The following ADGRD1 variants were observed in gnomAD, a reference collection of about 807,000 sequenced individuals.
ADGRD1 encodes the protein adhesion G protein-coupled receptor D1.
ADGRD1 carries 77 observed loss-of-function variants against 113.4 expected under a neutral mutation model. That is an observed-to-expected ratio of 0.68 (90% CI 0.57 to 0.82). The LOEUF (loss-of-function observed/expected upper bound fraction) is 0.82, where lower values mean the gene tolerates loss of function less well. Among genes scored for constraint, ADGRD1 ranks in the 40% least tolerant of loss-of-function variants. The probability of loss-of-function intolerance (pLI) is 0.00; values close to 1 mark genes in which losing one functional copy is unlikely to be tolerated. For synonymous variants in ADGRD1, 474 were observed against 475.0 expected, an observed-to-expected ratio of 1.00 and a Z score of 0.03; for missense variants, 1,036 against 1,139.1, an observed-to-expected ratio of 0.91 and a Z score of 1.30.
chr12:130,966,095 T>C lies in ADGRD1; in HGVS notation c.104-368T>C, dbSNP rs972060398. ...TGTTTCTATAGTGTGATTGCATTGA[T>C]ATTAACTCTAAAATAATGGTAAATA... On this transcript the variant is annotated intron_variant, in intron 2 of 24. Coordinates refer to ENST00000261654, the MANE Select transcript of ADGRD1 (RefSeq NM_198827.5). This position sits in a 1 kb window ranked among gnomAD's most constrained non-coding sequence, Gnocchi z 4.6. Among the ~76,000 whole-genome samples, 11 of 152,246 alleles carry C rather than the reference T, an allele frequency of 7.2e-5. No individual in the cohort carries two copies. Among genetic ancestry groups the C allele is most frequent in the Admixed American group, 7.2e-4 (11 of 15,286 alleles).
At chr12:131,023,136 G>A (rs1378690778) in intron 13 of ADGRD1, 1 of 152,120 alleles carries the variant, frequency 6.6e-6, no homozygotes, top group Non-Finnish European at 1.5e-5. Context: ...TCCTGATGAG[G>A]GGACAGTGTT....
intron 5 of ADGRD1, among the ~76,000 whole-genome samples, chr12:130,986,278 T>G (rs138915610): frequency 6.6e-6 from 1 of 152,258 alleles, no homozygotes; most frequent in African/African-American, 2.4e-5. Context: ...TTTCTGTCCA[T>G]GAATATGGAA....
intron 13 of ADGRD1, among the ~76,000 whole-genome samples, chr12:131,065,595 C>T (rs1332984299): frequency 2.6e-5 from 4 of 152,068 alleles, no homozygotes; most frequent in African/African-American, 9.7e-5. Context: ...GGATCTCAGG[C>T]GAGAGGCACC....
In ADGRD1 at chr12:131,108,807, C is replaced by G; in HGVS notation, c.1971C>G (p.Leu657=). Residue 657 remains leucine, a synonymous_variant, in exon 18 of 25, where the codon CTC becomes CTG. Coordinates refer to ENST00000261654, the MANE Select transcript of ADGRD1 (RefSeq NM_198827.5). Reference sequence around the variant, plus strand: ...GGATGCTGGTGGAGGGGCTGCACCTCTACAGCATGGTGATCAAGGTCTTTG... The same window carrying G: ...GGATGCTGGTGGAGGGGCTGCACCTGTACAGCATGGTGATCAAGGTCTTTG... The part of the protein sequence containing the change: ...FAWMLVEGLH[L]YSMVIKVFGS... 6.2e-7 allele frequency: 1 copy of G among 1,613,858 alleles called. No individual in the cohort carries two copies. Among genetic ancestry groups the G allele is most frequent in the Non-Finnish European group, 8.5e-7 (1 of 1,179,970 alleles).
chr12:131,106,955 A>G (rs1950245600), intron 17 of ADGRD1, among the ~76,000 whole-genome samples: 2 of 152,126 alleles, frequency 1.3e-5, no homozygotes, highest in African/African-American at 2.4e-5. Flanking sequence ...AGAATGCTGT[A>G]TTTCTATCAA....
intron 15 of ADGRD1, among the ~76,000 whole-genome samples, chr12:131,095,291 T>C (rs1300572039): frequency 6.6e-6 from 1 of 152,238 alleles, no homozygotes; most frequent in African/African-American, 2.4e-5. Context: ...CAGGGAGACG[T>C]AGCTTCAAGG....
In ADGRD1 at chr12:131,027,168, C is replaced by G. The variant is rs1358429542; in HGVS notation, c.1473+12828C>G. ...GCACTGTAGATCCAGGATATTCCTA[C>G]TCTGCAGGCTGTTTAAATAACACAC... On this transcript the variant is annotated intron_variant, in intron 13 of 24. Coordinates refer to ENST00000261654, the MANE Select transcript of ADGRD1 (RefSeq NM_198827.5). The surrounding 1 kb of genome is among the most constrained non-coding windows in gnomAD (Gnocchi z 5.1). 1 of 152,186 alleles carries G rather than the reference C, an allele frequency of 6.6e-6. No homozygotes were observed. Among genetic ancestry groups the G allele is most frequent in the Non-Finnish European group, 1.5e-5 (1 of 68,038 alleles). 9.4% of individuals were successfully genotyped at this position (152,186 alleles called of 1,614,324 possible).
chr12:130,970,816 C>G (rs1871531145), intron 3 of ADGRD1: 1 of 152,298 alleles, frequency 6.6e-6, no homozygotes. Flanking sequence ...GGCTTGTCAC[C>G]CACAGGCTCT....
intron 13 of ADGRD1, among the ~76,000 whole-genome samples, chr12:131,037,060 G>C (rs1023493266): frequency 7.2e-6 from 1 of 139,696 alleles, no homozygotes; most frequent in African/African-American, 2.7e-5. Flanking sequence ...TCACTGCACC[G>C]GGTCTCACTC....
At position 131,096,839 on chromosome 12, in the gene ADGRD1, C is replaced by A. The variant is rs900488534; in HGVS notation, c.1672-7992C>A. Among the ~76,000 whole-genome samples the A allele has an allele frequency of 6.6e-6, 1 of 152,340 alleles. No homozygotes were observed. The highest frequency in any genetic ancestry group is 2.4e-5 in the African/African-American group (1 of 41,584). On this transcript the variant is annotated intron_variant, in intron 15 of 24. Transcript: ENST00000261654. The surrounding 1 kb of genome is among the most constrained non-coding windows in gnomAD (Gnocchi z 5.2). ...GTCATGTTGAGTCCTGGGTTCTGCT[C>A]TGAGATCCACCTGCCTCCTGCTGCC...
intron 13 of ADGRD1, among the ~76,000 whole-genome samples, chr12:131,040,664 AC>A (rs2136981861): frequency 6.6e-6 from 1 of 152,310 alleles, no homozygotes; most frequent in East Asian, 1.9e-4. Flanking sequence ...TTTGGGGTAA[AC>A]CACCCGCCCT....
intron 13 of ADGRD1, among the ~76,000 whole-genome samples, chr12:131,071,669 C>T (rs998478859): frequency 3.9e-4 from 59 of 152,312 alleles, no homozygotes; most frequent in East Asian, 1.5e-3. Context: ...CACGCACTGG[C>T]GGGTCCTATG....
chr12:131,069,428 T>C (rs1234797358), intron 13 of ADGRD1: 1 of 152,174 alleles, frequency 6.6e-6, no homozygotes, highest in Non-Finnish European at 1.5e-5. Flanking sequence ...GTGGCTTCAT[T>C]TGTAAAGTGG....
chr12:131,122,374 C>T (rs1448068020), intron 20 of ADGRD1, among the ~76,000 whole-genome samples: 3 of 152,046 alleles, frequency 2.0e-5, no homozygotes, highest in African/African-American at 7.3e-5. Context: ...GCCTTTGGGG[C>T]TGCGCGCTTG....
At chr12:130,957,740 G>A (rs148063903) in intron 2 of ADGRD1, 2 of 152,364 alleles carry the variant, frequency 1.3e-5, no homozygotes, top group African/African-American at 2.4e-5. Context: ...GAGAAACGAC[G>A]GCCATGCTGA....
chr12:131,134,181 G>A (rs1160464614), intron 21 of ADGRD1, among the ~76,000 whole-genome samples: 2 of 152,232 alleles, frequency 1.3e-5, no homozygotes, highest in Non-Finnish European at 2.9e-5. Flanking sequence ...GTGCACCCAC[G>A]AGCAGGTGGG....
chr12:131,120,723 G>T, intron 19 of ADGRD1, 124 bp from the exon 20 acceptor site: 1 of 861,812 alleles, frequency 1.2e-6, no homozygotes, highest in South Asian at 1.3e-5. Flanking sequence ...TAGGAATGTT[G>T]TATGACTGCC....
At chr12:131,115,031 C>G (rs141264650) in intron 18 of ADGRD1, among the ~76,000 whole-genome samples, 1,745 of 152,316 alleles carry the variant, frequency 0.011, 30 homozygotes, top group African/African-American at 0.038. Flanking sequence ...TCCAGGCCCC[C>G]CCTTTCTCTG....
chr12:131,103,113 C>T (rs1950132419), intron 15 of ADGRD1, among the ~76,000 whole-genome samples: 1 of 152,336 alleles, frequency 6.6e-6, no homozygotes, highest in Middle Eastern at 3.4e-3. Context: ...GGAAGTCCAG[C>T]CCCTGGGAAA....
Sources: gnomAD v4.1 joint callset for allele counts (sites outside exome capture counted in the v4.1 genomes callset) on GRCh38, gnomAD v4.1.1 for gene constraint, Gnocchi (gnomAD v3.1) non-coding constraint, MANE v1.5 for transcripts, NCBI Gene and HGNC (gene_info 2026-07-23, HGNC 2026-07-21) for gene names.